VIRMA: variants seen among roughly 807,000 people sequenced by gnomAD.
The protein encoded by VIRMA is vir like m6A methyltransferase associated.
VIRMA carries 65 observed loss-of-function variants against 182.4 expected under a neutral mutation model. The ratio of observed to expected loss-of-function variants is 0.36; its 90% confidence interval spans 0.29 to 0.44. The LOEUF (loss-of-function observed/expected upper bound fraction) is 0.44. VIRMA is among the 20% of genes least tolerant of loss of function. The probability of loss-of-function intolerance (pLI) is 1.00; values close to 1 mark genes in which losing one functional copy is unlikely to be tolerated. For synonymous variants in VIRMA, 709 were observed against 743.1 expected (o/e 0.95, Z 0.75); for missense variants, 1,752 against 2,158.1 (o/e 0.81, Z 3.73).
In VIRMA at chr8:94,511,541, G is replaced by C; in HGVS notation, c.3034C>G (p.Leu1012Val). 3 of 1,614,138 alleles carry C rather than the reference G, an allele frequency of 1.9e-6. No individual in the cohort carries two copies. Among genetic ancestry groups the C allele is most frequent in the South Asian group, 1.1e-5 (1 of 91,078 alleles). The part of the protein sequence containing the change: ...TISMARCTLT[L>V]LKTMLTELLR... ...AGTTCCGTTAACATAGTTTTAAGAA[G>C]AGTGAGTGTGCAGCGAGCCATTGAA... is the stretch of plus-strand genomic sequence containing the variant. Residue 1012 changes from leucine (L) to valine (V), a missense_variant, in exon 13 of 24, where the codon CTT becomes GTT. Leu to Val is a conservative substitution (Grantham distance 32). Around this residue, in one of 11 missense-constraint regions of VIRMA, gnomAD observed 777 missense variants for 920.6 expected, o/e 0.84. Coordinates refer to ENST00000297591, the MANE Select transcript of VIRMA (RefSeq NM_015496.5).
Position 94,512,023 on chromosome 8 carries a change from C to T in VIRMA, c.2818G>A (p.Val940Ile). ...TCAACAGGAGGTGGTGGGCATGCAA[C>T]ATTACAGAGAACACGTAAGGCAGTG... Reference protein sequence around the residue: ...LTTALRVLCNVACPPPPVEGQ... With the variant: ...LTTALRVLCNIACPPPPVEGQ... The change falls in exon 12 of 24, where the codon GTT becomes ATT. Residue 940 changes from valine to isoleucine, a missense_variant. Physicochemically the swap from Val to Ile is conservative, Grantham distance 29 (BLOSUM62 3). Transcript: ENST00000297591. The T allele has an allele frequency of 4.6e-6, 7 of 1,534,378 alleles. No individual in the cohort carries two copies. Among genetic ancestry groups the T allele is most frequent in the Non-Finnish European group, 6.1e-6 (7 of 1,140,162 alleles).
At chr8:94,551,148 C>T (rs576143192) in intron 1 of VIRMA, among the ~76,000 whole-genome samples, 77 of 152,328 alleles carry the variant, frequency 5.1e-4, no homozygotes, top group Non-Finnish European at 8.7e-4. Context: ...AGTAGAATGC[C>T]CTCCTTTCCT....
intron 16 of VIRMA, among the ~76,000 whole-genome samples, chr8:94,500,052 CAAAA>C (rs6150715): frequency 1.2e-5 from 1 of 82,520 alleles, no homozygotes; most frequent in Non-Finnish European, 2.3e-5. Context: ...GGCTTCATCT[CAAAA>C]AAAAAAAAAA....
Position 94,526,707 on chromosome 8 carries a change from T to C in VIRMA, c.1537A>G (p.Met513Val). Residue 513 changes from methionine to valine, a missense_variant, in exon 8 of 24, where the codon ATG becomes GTG. Met to Val is a conservative substitution (Grantham distance 21, BLOSUM62 1). Transcript: ENST00000297591. ...AAAAAAGCTTCCATTCCTTCTGTCA[T>C]ACTAATGACACTGTCCAAAGCTTTA... ...AFKALDSVISMTEGMEAFLRG... is the reference protein window; with the variant it reads ...AFKALDSVISVTEGMEAFLRG... 6.2e-7 allele frequency: 1 copy of C among 1,613,882 alleles called. No homozygotes were observed. The highest frequency in any genetic ancestry group is 8.5e-7 in the Non-Finnish European group (1 of 1,180,004).
At chr8:94,495,639 C>T (rs1813747633) in intron 19 of VIRMA, 92 bp downstream of exon 19, 1 of 947,614 alleles carries the variant, frequency 1.1e-6, no homozygotes, top group Non-Finnish European at 1.6e-6. Flanking sequence ...ACTATCTGGC[C>T]CTTTATAGAA....
At chr8:94,495,658 T>G in intron 19 of VIRMA, 73 bp downstream of exon 19, 2 of 1,314,326 alleles carry the variant, frequency 1.5e-6, no homozygotes, top group Non-Finnish European at 2.1e-6. Context: ...AAAAAAACGT[T>G]TGCTGGCACC....
chr8:94,529,277 G>C lies in VIRMA; in HGVS notation c.673C>G (p.Arg225Gly). Reference protein sequence around the residue: ...EDYFEPISPDRNSVPQEGQYS... With the variant: ...EDYFEPISPDGNSVPQEGQYS... ...TGCCCTTCCTGGGGAACAGAATTCC[G>C]ATCAGGAGAAATGGGCTCAAAGTAA... Residue 225 changes from arginine (R) to glycine (G), a missense_variant, in exon 7 of 24, where the codon CGG (arginine) becomes GGG (glycine). By Grantham distance (125) the Arg-to-Gly change is moderately radical. Transcript: ENST00000297591. The C allele has an allele frequency of 6.2e-7, 1 of 1,612,604 alleles. No homozygotes were observed.
Position 94,529,141 on chromosome 8 carries a change from G to A in VIRMA, c.809C>T (p.Thr270Ile), listed in dbSNP as rs1815070606. The stretch of plus-strand genomic sequence containing the variant: ...TTCCTCCTCAGGAATACTGTCTACT[G>A]TTCGTCGATCATCCTCATCCTCATC... Reference protein sequence around the residue: ...EEDEDEDDRRTVDSIPEEEEE... With the variant: ...EEDEDEDDRRIVDSIPEEEEE... The change falls in exon 7 of 24, where the codon ACA becomes ATA. Residue 270 changes from threonine (T) to isoleucine (I), a missense_variant. Physicochemically the swap from Thr to Ile is moderately conservative, Grantham distance 89 (BLOSUM62 -1). Transcript: ENST00000297591. 6.9e-7 allele frequency: 1 copy of A among 1,452,576 alleles called. No homozygotes were observed. 90.0% of individuals were successfully genotyped at this position (1,452,576 alleles called of 1,614,324 possible).
chr8:94,492,747 G>T lies in VIRMA; in HGVS notation c.4713C>A (p.Arg1571=), dbSNP rs779411999. ...SDFDLHSELE[R]SFLSEPSSPG... ...GAGATGATGGTTCTGACAAAAATGA[G>T]CGCTCTAATTCTGAGTGCAAATCAA... Residue 1571 remains arginine (R), a synonymous_variant, in exon 21 of 24, where the codon CGC becomes CGA. Coordinates refer to ENST00000297591, the MANE Select transcript of VIRMA (RefSeq NM_015496.5). The T allele has an allele frequency of 6.2e-7, 1 of 1,613,932 alleles. No homozygotes were observed. The highest frequency in any genetic ancestry group is 1.7e-5 in the Admixed American group (1 of 60,004).
At chr8:94,500,032 G>C (rs1272440039) in intron 16 of VIRMA, among the ~76,000 whole-genome samples, 2 of 135,648 alleles carry the variant, frequency 1.5e-5, no homozygotes, top group South Asian at 2.4e-4. Flanking sequence ...CAGCTTGAAG[G>C]ACAGAGTGAG....
chr8:94,539,068 AT>A lies in VIRMA; in HGVS notation c.180-723del, dbSNP rs759879190. 5.5e-3 allele frequency among the ~76,000 whole-genome samples: 757 copies of A among 136,850 alleles called. 1 individual carries two copies. Among genetic ancestry groups the A allele is most frequent in the Middle Eastern group, 0.012 (3 of 250 alleles). The allele number at this position is 136,850 out of a possible 152,430, so 89.8% of individuals were successfully genotyped here. A position where few individuals can be genotyped will look rare whatever the true frequency, so the allele number is the denominator to read the frequency against. On this transcript the variant is annotated intron_variant, in intron 2 of 23. Transcript: ENST00000297591. ...AGGTGTATGCCACTACACTGGGCTAATTTTTTTTTTTTTTTTTAAGTAGAGA... is the reference window on the plus strand; with the variant it reads ...AGGTGTATGCCACTACACTGGGCTAATTTTTTTTTTTTTTTTAAGTAGAGA...
At position 94,525,752 on chromosome 8, in the gene VIRMA, G is replaced by A. The variant is rs117247277; in HGVS notation, c.2021+471C>T. Among the ~76,000 whole-genome samples the A allele has an allele frequency of 3.6e-3, 541 of 152,302 alleles. 8 individuals carry two copies. In the South Asian group the frequency reaches 0.043, roughly 12 times the overall value. On this transcript the variant is annotated intron_variant, in intron 8 of 23. Transcript: ENST00000297591. ...AAAACTGTATCAACAGATGAGAGAG[G>A]TAGATGGCAGAAACAAGTAGTAATG...
chr8:94,518,008 A>AT, intron 9 of VIRMA, 66 bp from the exon 10 acceptor site: 1 of 1,286,740 alleles, frequency 7.8e-7, no homozygotes. Flanking sequence ...ATTTTTAAAA[A>AT]TTTTCTTCTA....
At chr8:94,497,564 C>T (rs1813822406) in intron 17 of VIRMA, 1 of 152,180 alleles carries the variant, frequency 6.6e-6, no homozygotes, top group African/African-American at 2.4e-5. Context: ...CCAAGCCCAG[C>T]TAATTTTTTG....
intron 16 of VIRMA, among the ~76,000 whole-genome samples, chr8:94,502,404 A>G (rs968021327): frequency 2.0e-5 from 3 of 151,552 alleles, no homozygotes; most frequent in African/African-American, 7.2e-5. Flanking sequence ...AAAAACATAT[A>G]TATAAATTAA....
intron 15 of VIRMA, among the ~76,000 whole-genome samples, chr8:94,508,699 C>CAAA (rs111721426): frequency 7.9e-6 from 1 of 125,812 alleles, no homozygotes. Context: ...ACAAGTCATA[C>CAAA]AAAAAAAAAA....
At chr8:94,515,867 G>A (rs1814542908) in intron 10 of VIRMA, among the ~76,000 whole-genome samples, 1 of 151,844 alleles carries the variant, frequency 6.6e-6, no homozygotes, top group Admixed American at 6.6e-5. Context: ...GGAGGCTGAG[G>A]CGGGTGGATC....
At chr8:94,523,691 C>T (rs936424613) in intron 8 of VIRMA, among the ~76,000 whole-genome samples, 1 of 151,968 alleles carries the variant, frequency 6.6e-6, no homozygotes, top group African/African-American at 2.4e-5. Flanking sequence ...TGCAGTGGCA[C>T]GATCTCGGCT....
chr8:94,542,400 T>C (rs1244052412), intron 2 of VIRMA, among the ~76,000 whole-genome samples: 2 of 152,170 alleles, frequency 1.3e-5, no homozygotes, highest in Non-Finnish European at 2.9e-5. Context: ...AAGCAAATTC[T>C]TCAGCCCCAG....
Sources: gnomAD v4.1 joint callset for allele counts (sites outside exome capture counted in the v4.1 genomes callset) on GRCh38, gnomAD v4.1.1 for gene constraint, gnomAD v4.1.1 regional missense constraint, MANE v1.5 for transcripts, NCBI Gene and HGNC (gene_info 2026-07-23, HGNC 2026-07-21) for gene names.